TRIM38: variants seen among roughly 807,000 people sequenced by gnomAD.
TRIM38 encodes E3 ubiquitin-protein ligase TRIM38.
A neutral mutation model predicts 35.8 loss-of-function variants in TRIM38; 35 were observed. That is an observed-to-expected ratio of 0.98 (90% confidence interval 0.75 to 1.30). The LOEUF (loss-of-function observed/expected upper bound fraction) is 1.30, where lower values mean the gene tolerates loss of function less well. TRIM38 is among the 50% of genes most tolerant of loss of function. The pLI, the probability that TRIM38 is intolerant of heterozygous loss-of-function variation, is 0.00. For missense variants in TRIM38, 545 were observed against 556.9 expected, an observed-to-expected ratio of 0.98 and a Z score of 0.21; for synonymous variants, 198 against 204.7, an observed-to-expected ratio of 0.97 and a Z score of 0.28.
In TRIM38 at chr6:25,966,668, A is replaced by G. The variant is rs1212885270; in HGVS notation, c.146A>G (p.Gln49Arg). 2 of 1,614,172 alleles carry G rather than the reference A, an allele frequency of 1.2e-6. No homozygotes were observed. The highest frequency in any genetic ancestry group is 1.7e-6 in the Non-Finnish European group (2 of 1,180,028). Residue 49 changes from glutamine (Q) to arginine (R), a missense_variant, in exon 3 of 8, where the codon CAA becomes CGA. Physicochemically the swap from Gln to Arg is conservative, Grantham distance 43. Transcript: ENST00000357085. ...CITDFFKNPS[Q>R]KQLRQETFCC... Reference sequence around the variant, plus strand: ...ACAGACTTCTTTAAAAACCCAAGCCAAAAGCAACTGAGGCAGGAGACATTC... The same window carrying G: ...ACAGACTTCTTTAAAAACCCAAGCCGAAAGCAACTGAGGCAGGAGACATTC...
At chr6:25,973,748 A>G (rs991479205) in intron 7 of TRIM38, 1 of 985,308 alleles carries the variant, frequency 1.0e-6, no homozygotes, top group Admixed American at 6.2e-5. Context: ...GGTGAGTATG[A>G]TAACCTATCA....
chr6:25,973,014 G>C (rs762597398), intron 5 of TRIM38, 40 bp from the exon 6 acceptor site: 2 of 1,613,700 alleles, frequency 1.2e-6, no homozygotes, highest in Non-Finnish European at 1.7e-6. Context: ...ATGAAATACC[G>C]ATGTTCCCAT....
intron 4 of TRIM38, among the ~76,000 whole-genome samples, chr6:25,970,193 G>A (rs1174959534): frequency 6.6e-6 from 1 of 152,158 alleles, no homozygotes; most frequent in Non-Finnish European, 1.5e-5. Flanking sequence ...TGGGATTACA[G>A]GCGTGAGCCA....
intron 3 of TRIM38, 82 bp downstream of exon 3, chr6:25,967,015 C>T (rs894781484): frequency 7.2e-7 from 1 of 1,398,562 alleles, no homozygotes; most frequent in East Asian, 2.3e-5. Context: ...AACTTGAAAC[C>T]TAACATTATG....
rs186435630 is a variant in TRIM38 at position 25,966,674 on chromosome 6, A to C, written c.152A>C (p.Gln51Pro). ...TTCTTTAAAAACCCAAGCCAAAAGC[A>C]ACTGAGGCAGGAGACATTCTGCTGT... ...TDFFKNPSQK[Q>P]LRQETFCCPQ... The change falls in exon 3 of 8, where the codon CAA becomes CCA. Residue 51 changes from glutamine (Q) to proline (P), a missense_variant. Coordinates refer to ENST00000357085, the MANE Select transcript of TRIM38 (RefSeq NM_006355.5). 1.2e-6 allele frequency: 2 copies of C among 1,614,096 alleles called. No individual in the cohort carries two copies. The highest frequency in any genetic ancestry group is 1.7e-6 in the Non-Finnish European group (2 of 1,180,044).
rs1397600091 is a variant in TRIM38, at chr6:25,984,763, A to G, written c.*1076A>G. The G allele has an allele frequency of 6.6e-6, 1 of 152,196 alleles. No individual in the cohort carries two copies. Among genetic ancestry groups the G allele is most frequent in the Admixed American group, 6.6e-5 (1 of 15,262 alleles). The allele number at this position is 152,196 out of a possible 1,614,324, so 9.4% of individuals were successfully genotyped here. On this transcript the variant is annotated 3_prime_UTR_variant, in exon 8 of 8. Coordinates refer to ENST00000357085, the MANE Select transcript of TRIM38 (RefSeq NM_006355.5). Reference sequence around the variant, plus strand: ...GCATGGTGGTAGGGGCCTGTAACCCAGCTACTCGTGAGGCCAAGGCAGGAG... The same window carrying G: ...GCATGGTGGTAGGGGCCTGTAACCCGGCTACTCGTGAGGCCAAGGCAGGAG...
At position 25,986,539 on chromosome 6, in the gene TRIM38, G is replaced by A; in HGVS notation, c.*2852G>A. 1 of 148,882 alleles carries A rather than the reference G, an allele frequency of 6.7e-6. No homozygotes were observed. The highest frequency in any genetic ancestry group is 2.5e-5 in the African/African-American group (1 of 40,482). The allele number at this position is 148,882 out of a possible 1,614,324, so 9.2% of individuals were successfully genotyped here. Reference sequence around the variant, plus strand: ...AAAAAAAAAAAAAAAAAAAGTTACAGAGCTCCAACTAAATAATGTGGGGAA... The same window carrying A: ...AAAAAAAAAAAAAAAAAAAGTTACAAAGCTCCAACTAAATAATGTGGGGAA... On this transcript the variant is annotated 3_prime_UTR_variant, in exon 8 of 8. Transcript: ENST00000357085.
chr6:25,967,134 C>G (rs979745499), intron 3 of TRIM38, among the ~76,000 whole-genome samples: 1 of 152,194 alleles, frequency 6.6e-6, no homozygotes, highest in Non-Finnish European at 1.5e-5. Context: ...GATGGTTGGA[C>G]TCTTATCTCT....
chr6:25,965,985 C>T (rs1199692581), intron 2 of TRIM38, among the ~76,000 whole-genome samples: 1 of 151,372 alleles, frequency 6.6e-6, no homozygotes, highest in Non-Finnish European at 1.5e-5. Flanking sequence ...TTAGAGCAGT[C>T]TGAGCTATGT....
At position 25,973,175 on chromosome 6, in the gene TRIM38, G is replaced by A. The variant is rs753646980; in HGVS notation, c.764G>A (p.Ser255Asn). The change falls in exon 7 of 8, where the codon AGT becomes AAT. Residue 255 changes from serine to asparagine, a missense_variant and splice_region_variant. Ser to Asn is a conservative substitution (Grantham distance 46). Coordinates refer to ENST00000357085, the MANE Select transcript of TRIM38 (RefSeq NM_006355.5). ...LQNVNDTLSR[S>N]WAVKLETSEA... ...TCTCTCGCCTCTGCTTATTCTAGGA[G>A]TTGGGCTGTGAAGCTGGAAACATCA... 52 of 1,614,062 alleles carry A rather than the reference G, an allele frequency of 3.2e-5. No homozygotes were observed. The highest frequency in any genetic ancestry group is 3.8e-5 in the Non-Finnish European group (45 of 1,180,022).
chr6:25,972,098 A>C lies in TRIM38; in HGVS notation c.737A>C (p.Gln246Pro). 6.2e-7 allele frequency: 1 copy of C among 1,614,012 alleles called. No homozygotes were observed. The highest frequency in any genetic ancestry group is 2.2e-5 in the East Asian group (1 of 44,886). ...KCQGSAQKLLQNVNDTLSRSW... is the reference protein window; with the variant it reads ...KCQGSAQKLLPNVNDTLSRSW... ...CAGGGCTCAGCCCAGAAATTGCTGCAGGTGAGGCTGTGTACTTGGAGTAGG... is the reference window on the plus strand; with the variant it reads ...CAGGGCTCAGCCCAGAAATTGCTGCCGGTGAGGCTGTGTACTTGGAGTAGG... The change falls in exon 5 of 8, where the codon CAG (glutamine) becomes CCG (proline). Residue 246 changes from glutamine to proline, a missense_variant and splice_region_variant. By Grantham distance (76) the Gln-to-Pro change is moderately conservative (BLOSUM62 -1). Coordinates refer to ENST00000357085, the MANE Select transcript of TRIM38 (RefSeq NM_006355.5).
intron 2 of TRIM38, among the ~76,000 whole-genome samples, chr6:25,964,252 ATATG>A (rs1202277921): frequency 6.6e-5 from 10 of 152,290 alleles, no homozygotes; most frequent in South Asian, 2.1e-4. Flanking sequence ...ATATGTATGC[ATATG>A]TATGTATGTA....
At position 25,971,962 on chromosome 6, in the gene TRIM38, C is replaced by T. The variant is rs1478756011; in HGVS notation, c.601C>T (p.Leu201=). ...HEEEKSYLWR[L]EKEEQQTLSR... ...GGAAGAGAAGTCTTATCTCTGGAGG[C>T]TGGAGAAAGAAGAACAACAGACTCT... is the stretch of plus-strand genomic sequence containing the variant. Residue 201 remains leucine (L), a synonymous_variant, in exon 5 of 8, where the codon CTG becomes TTG. Coordinates refer to ENST00000357085, the MANE Select transcript of TRIM38 (RefSeq NM_006355.5). 1.2e-6 allele frequency: 2 copies of T among 1,614,106 alleles called. No individual in the cohort carries two copies. Among genetic ancestry groups the T allele is most frequent in the South Asian group, 1.1e-5 (1 of 91,080 alleles).
chr6:25,977,407 C>A (rs746096895), intron 7 of TRIM38, among the ~76,000 whole-genome samples: 1 of 152,100 alleles, frequency 6.6e-6, no homozygotes. Context: ...CAGTGGCTTA[C>A]GCCTGTAATC....
intron 7 of TRIM38, chr6:25,975,617 A>G: frequency 1.0e-6 from 1 of 982,698 alleles, no homozygotes; most frequent in Non-Finnish European, 1.2e-6. Context: ...CAAACAATAT[A>G]AAGGATATAA....
At chr6:25,976,204 A>G (rs1010140537) in intron 7 of TRIM38, among the ~76,000 whole-genome samples, 2 of 152,194 alleles carry the variant, frequency 1.3e-5, no homozygotes, top group Non-Finnish European at 2.9e-5. Context: ...TAGTCATAGA[A>G]AGAGTCTAGA....
intron 2 of TRIM38, among the ~76,000 whole-genome samples, chr6:25,965,154 T>G (rs1759984086): frequency 6.6e-6 from 1 of 152,152 alleles, no homozygotes; most frequent in African/African-American, 2.4e-5. Context: ...AGGAAAGAGT[T>G]TCACACTCCC....
At chr6:25,966,958 T>C (rs773075354) in intron 3 of TRIM38, 25 bp downstream of exon 3, 59 of 1,574,848 alleles carry the variant, frequency 3.7e-5, no homozygotes, top group Non-Finnish European at 4.8e-5. Context: ...CCGGGAGCTT[T>C]GGTAAGTACC....
Position 25,989,558 on chromosome 6 carries a change from T to G in TRIM38, c.*5871T>G, listed in dbSNP as rs1050544990. 6.9e-6 allele frequency: 1 copy of G among 145,596 alleles called. No homozygotes were observed. The highest frequency in any genetic ancestry group is 2.1e-4 in the East Asian group (1 of 4,692). The allele number at this position is 145,596 out of a possible 1,614,324, so 9.0% of individuals were successfully genotyped here. ...TTAATAGAGACGGGTCTTGCTACAG[T>G]GCCCAGGCTGGTCTCGAACTCCAGG... On this transcript the variant is annotated 3_prime_UTR_variant, in exon 8 of 8. Coordinates refer to ENST00000357085, the MANE Select transcript of TRIM38 (RefSeq NM_006355.5).
Sources: allele counts gnomAD v4.1 joint callset (sites outside exome capture counted in the v4.1 genomes callset), GRCh38; gene constraint gnomAD v4.1.1; transcripts MANE v1.5; gene names NCBI Gene and HGNC (gene_info 2026-07-23, HGNC 2026-07-21).